The following IQGAP2 variants were observed in gnomAD, a reference collection of about 807,000 sequenced individuals.
The protein encoded by IQGAP2 is IQ motif containing GTPase activating protein 2.
In IQGAP2, 173 loss-of-function variants were observed where a neutral mutation model predicts 201.3. The observed-to-expected ratio is 0.86, with a 90% confidence interval of 0.76 to 0.98. IQGAP2 has a LOEUF of 0.98. IQGAP2 is among the 50% of genes least tolerant of loss of function. The probability of loss-of-function intolerance (pLI) is 0.00; values close to 1 mark genes in which losing one functional copy is unlikely to be tolerated. For synonymous variants in IQGAP2, 675 were observed against 673.9 expected, an observed-to-expected ratio of 1.00 and a Z score of -0.03; for missense variants, 1,687 against 1,864.8, an observed-to-expected ratio of 0.90 and a Z score of 1.76.
chr5:76,624,517 A>G (rs1216329965), intron 13 of IQGAP2: 1 of 152,256 alleles, frequency 6.6e-6, no homozygotes. Flanking sequence ...TACATAATAT[A>G]TGGTTATACA....
intron 1 of IQGAP2, among the ~76,000 whole-genome samples, chr5:76,426,905 G>GGTGTGTGTGTGGT (rs1554054707): frequency 6.8e-6 from 1 of 146,586 alleles, no homozygotes. Context: ...AACCATGGAG[G>GGTGTGTGTGTGGT]GTGTGTGTGT....
At chr5:76,468,123 A>G (rs1754885389) in intron 2 of IQGAP2, among the ~76,000 whole-genome samples, 3 of 152,242 alleles carry the variant, frequency 2.0e-5, no homozygotes, top group Admixed American at 1.3e-4. Context: ...TTGTATCTCA[A>G]TAAAGCTATT....
At chr5:76,519,084 A>G (rs1355202032) in intron 2 of IQGAP2, among the ~76,000 whole-genome samples, 3 of 152,166 alleles carry the variant, frequency 2.0e-5, no homozygotes, top group Non-Finnish European at 4.4e-5. Flanking sequence ...TTAAGTTTAC[A>G]TACATGAATT....
intron 5 of IQGAP2, among the ~76,000 whole-genome samples, chr5:76,585,554 C>A (rs923795895): frequency 6.7e-6 from 1 of 150,188 alleles, no homozygotes; most frequent in South Asian, 2.1e-4. Flanking sequence ...ACTCTTGCTG[C>A]CCAGGCTGGA....
chr5:76,622,638 T>TA (rs943766159), intron 13 of IQGAP2, among the ~76,000 whole-genome samples: 21 of 152,144 alleles, frequency 1.4e-4, no homozygotes, highest in Non-Finnish European at 1.0e-4. Context: ...TTTTTAAAAT[T>TA]AAAAAATCAT....
chr5:76,540,604 G>C (rs997003991), intron 2 of IQGAP2, among the ~76,000 whole-genome samples: 11 of 152,204 alleles, frequency 7.2e-5, no homozygotes, highest in African/African-American at 2.7e-4. Flanking sequence ...TGAAAGGAGA[G>C]GGTACCATGA....
chr5:76,671,997 G>A lies in IQGAP2; in HGVS notation c.3068+14G>A. ...TGGAGAGGCCAGGTAATAGAATCAG[G>A]AAGGTGTTGGTCTTCTGTTATGTTT... On this transcript the variant is annotated intron_variant, in intron 24 of 35. Transcript: ENST00000274364. 2 of 1,568,028 alleles carry A rather than the reference G, an allele frequency of 1.3e-6. No individual in the cohort carries two copies. The highest frequency in any genetic ancestry group is 1.1e-5 in the South Asian group (1 of 89,344).
chr5:76,644,028 T>C (rs1751803657), intron 17 of IQGAP2, among the ~76,000 whole-genome samples: 1 of 151,984 alleles, frequency 6.6e-6, no homozygotes, highest in Non-Finnish European at 1.5e-5. Context: ...CATTGGTAAT[T>C]TGAATATCTC....
At chr5:76,638,755 G>T (rs2432183) in intron 16 of IQGAP2, among the ~76,000 whole-genome samples, 2 of 152,086 alleles carry the variant, frequency 1.3e-5, no homozygotes, top group Non-Finnish European at 2.9e-5. Flanking sequence ...AGATCTGAAT[G>T]TTTTCTTGCA....
chr5:76,670,318 G>A (rs1275817796), intron 23 of IQGAP2, among the ~76,000 whole-genome samples: 2 of 152,000 alleles, frequency 1.3e-5, no homozygotes, highest in South Asian at 4.2e-4. Context: ...AAGACATACT[G>A]GCTAACATGG....
At chr5:76,580,512 G>A (rs1403433304) in intron 5 of IQGAP2, among the ~76,000 whole-genome samples, 1 of 152,178 alleles carries the variant, frequency 6.6e-6, no homozygotes, top group Non-Finnish European at 1.5e-5. Context: ...TTTTAATAAT[G>A]CTCCCCAACT....
chr5:76,506,009 C>T (rs565874593), intron 2 of IQGAP2, among the ~76,000 whole-genome samples: 1 of 152,078 alleles, frequency 6.6e-6, no homozygotes, highest in African/African-American at 2.4e-5. Flanking sequence ...AGATACTGTG[C>T]TAGGTTTGGA....
rs1225103131 is a variant in IQGAP2, at chr5:76,496,702, CTCTT to C, written c.146+35055_146+35058del. On this transcript the variant is annotated intron_variant, in intron 2 of 35. Coordinates refer to ENST00000274364, the MANE Select transcript of IQGAP2 (RefSeq NM_006633.5). Reference sequence around the variant, plus strand: ...ACCAAATATTTTTCTTTCTTTCTGTCTCTTTCTTTCTTTCTTTCTTTCTTTTCTT... The same window carrying C: ...ACCAAATATTTTTCTTTCTTTCTGTCTCTTTCTTTCTTTCTTTCTTTTCTT... Among the ~76,000 whole-genome samples, 114 of 81,102 alleles carry C rather than the reference CTCTT, an allele frequency of 1.4e-3. 3 individuals are homozygous for C. Among genetic ancestry groups the C allele is most frequent in the African/African-American group, 5.6e-3 (104 of 18,416 alleles). The allele number at this position is 81,102 out of a possible 152,430, so 53.2% of individuals were successfully genotyped here.
chr5:76,654,242 C>T lies in IQGAP2; in HGVS notation c.2221C>T (p.Leu741Phe), dbSNP rs558998741. ...FRMATARKSY[L>F]SRLQYFRDHN... ...AATGGCAACTGCAAGAAAGAGCTAT[C>T]TTTCAAGACTACAGTATTTCAGAGA... is the stretch of plus-strand genomic sequence containing the variant. The change falls in exon 19 of 36, where the codon CTT (leucine) becomes TTT (phenylalanine). Residue 741 changes from leucine (L) to phenylalanine (F), a missense_variant. Physicochemically the swap from Leu to Phe is conservative, Grantham distance 22. Coordinates refer to ENST00000274364, the MANE Select transcript of IQGAP2 (RefSeq NM_006633.5). The T allele has an allele frequency of 2.7e-5, 43 of 1,610,696 alleles. No individual in the cohort carries two copies. In the East Asian group the frequency reaches 7.8e-4, roughly 29 times the overall value.
chr5:76,566,384 G>A (rs1744751956), intron 3 of IQGAP2, among the ~76,000 whole-genome samples: 1 of 152,188 alleles, frequency 6.6e-6, no homozygotes, highest in Non-Finnish European at 1.5e-5. Context: ...TGGGCACTGG[G>A]AAGAACTGTC....
At chr5:76,435,806 C>T (rs1049009570) in intron 1 of IQGAP2, among the ~76,000 whole-genome samples, 2 of 152,144 alleles carry the variant, frequency 1.3e-5, no homozygotes, top group Non-Finnish European at 2.9e-5. Flanking sequence ...TTGATTCTTC[C>T]AATGCATAAG....
rs577424230 is a variant in IQGAP2, at chr5:76,499,476, A to C, written c.146+37807A>C. On this transcript the variant is annotated intron_variant, in intron 2 of 35. Coordinates refer to ENST00000274364, the MANE Select transcript of IQGAP2 (RefSeq NM_006633.5). ...AGGGGAGAGATACCATCACCTCCCT[A>C]CTTGGGGCCTGAGAGGTGTTGCAGA... is the stretch of plus-strand genomic sequence containing the variant. 8.4e-4 allele frequency among the ~76,000 whole-genome samples: 128 copies of C among 152,332 alleles called. 1 individual carries two copies. Among genetic ancestry groups the C allele is most frequent in the African/African-American group, 2.9e-3 (119 of 41,572 alleles).
intron 27 of IQGAP2, among the ~76,000 whole-genome samples, chr5:76,676,168 G>A (rs1195904689): frequency 2.6e-5 from 4 of 151,556 alleles, no homozygotes; most frequent in African/African-American, 7.3e-5. Context: ...TTTAACTGCT[G>A]TTATTCCTAT....
At chr5:76,486,949 A>G (rs762744732) in intron 2 of IQGAP2, among the ~76,000 whole-genome samples, 1 of 152,048 alleles carries the variant, frequency 6.6e-6, no homozygotes, top group Non-Finnish European at 1.5e-5. Context: ...ATGATGTTTA[A>G]TATTTTAGTC....
Sources: allele counts gnomAD v4.1 joint callset (sites outside exome capture counted in the v4.1 genomes callset), GRCh38; gene constraint gnomAD v4.1.1; transcripts MANE v1.5; gene names NCBI Gene and HGNC (gene_info 2026-07-23, HGNC 2026-07-21).